Variants in LINGO2 observed in about 807,000 individuals in gnomAD.
LINGO2 encodes the protein leucine rich repeat and Ig domain containing 2.
LINGO2 carries 14 observed loss-of-function variants against 30.6 expected under a neutral mutation model. The observed-to-expected ratio is 0.46, with a 90% CI of 0.30 to 0.72. LINGO2 has a LOEUF of 0.72. LINGO2 is among the 30% of genes least tolerant of loss of function. The pLI is 0.07. For synonymous variants in LINGO2, 317 were observed against 288.5 expected, an observed-to-expected ratio of 1.10 and a Z score of -1.00; for missense variants, 729 against 751.7, an observed-to-expected ratio of 0.97 and a Z score of 0.35.
At chr9:28,029,768 A>T (rs1267721342) in intron 4 of LINGO2, among the ~76,000 whole-genome samples, 2 of 152,152 alleles carry the variant, frequency 1.3e-5, no homozygotes, top group Non-Finnish European at 2.9e-5. Flanking sequence ...ATATAAAATA[A>T]CATGTGGGAA....
At chr9:28,290,075 T>A (rs1201122348) in intron 4 of LINGO2, among the ~76,000 whole-genome samples, 1 of 152,170 alleles carries the variant, frequency 6.6e-6, no homozygotes, top group Non-Finnish European at 1.5e-5. Context: ...TTATTAACTC[T>A]CCATCATTCT....
At chr9:28,512,591 G>GTA (rs1262344382) in intron 1 of LINGO2, among the ~76,000 whole-genome samples, 240 of 15,682 alleles carry the variant, frequency 0.015, no homozygotes, top group African/African-American at 0.022. Context: ...ATATATATGT[G>GTA]TGTATATATA....
At chr9:28,354,222 T>G (rs1290341186) in intron 3 of LINGO2, among the ~76,000 whole-genome samples, 1 of 152,174 alleles carries the variant, frequency 6.6e-6, no homozygotes, top group Non-Finnish European at 1.5e-5. Context: ...TTTTTTAAAT[T>G]TTGGCTTTTA....
the LINGO2 span, among the ~76,000 whole-genome samples, chr9:28,935,622 G>C: frequency 6.6e-6 from 1 of 151,808 alleles, no homozygotes; most frequent in African/African-American, 2.4e-5. Flanking sequence ...TATTGCTTTA[G>C]AAAGAAGCAA....
chr9:28,637,077 C>T (rs1391131617), intron 1 of LINGO2, among the ~76,000 whole-genome samples: 1 of 152,110 alleles, frequency 6.6e-6, no homozygotes, highest in East Asian at 1.9e-4. Flanking sequence ...ATTAAATAGG[C>T]AATCCTTTCC....
the LINGO2 span, among the ~76,000 whole-genome samples, chr9:28,708,761 TTATCTATCTATC>T: frequency 1.4e-5 from 2 of 147,748 alleles, no homozygotes; most frequent in Non-Finnish European, 3.0e-5. Flanking sequence ...TTTAAACTAA[TTATCTATCTATC>T]TATCTATCTA....
the LINGO2 span, among the ~76,000 whole-genome samples, chr9:28,806,166 T>C: frequency 6.6e-6 from 1 of 152,152 alleles, no homozygotes; most frequent in East Asian, 1.9e-4. Flanking sequence ...AATGTCCTAA[T>C]GGAGACTCAA....
intron 3 of LINGO2, among the ~76,000 whole-genome samples, chr9:28,355,103 C>T (rs1207052919): frequency 6.6e-6 from 1 of 152,148 alleles, no homozygotes; most frequent in Non-Finnish European, 1.5e-5. Flanking sequence ...CTTTAGTCCA[C>T]AGAACATTCA....
intron 4 of LINGO2, among the ~76,000 whole-genome samples, chr9:28,226,703 G>GAA (rs1486550900): frequency 6.7e-6 from 1 of 149,644 alleles, no homozygotes; most frequent in African/African-American, 2.5e-5. Flanking sequence ...AAGAAAGAAA[G>GAA]AGAAAGAGAA....
intron 5 of LINGO2, among the ~76,000 whole-genome samples, chr9:27,952,658 G>T (rs955676213): frequency 1.3e-5 from 2 of 151,880 alleles, no homozygotes; most frequent in African/African-American, 4.8e-5. Context: ...TGTTAAAGGC[G>T]GCATTTTAAA....
chr9:28,830,832 C>A, the LINGO2 span, among the ~76,000 whole-genome samples: 2 of 147,814 alleles, frequency 1.4e-5, no homozygotes, highest in Non-Finnish European at 2.9e-5. Flanking sequence ...CATGCACACA[C>A]ACGTGTGCAT....
At chr9:29,049,809 G>T in the LINGO2 span, among the ~76,000 whole-genome samples, 2 of 152,070 alleles carry the variant, frequency 1.3e-5, no homozygotes, top group African/African-American at 2.4e-5. Context: ...AAGAACAGTA[G>T]GGGCTGGAGG....
chr9:28,846,950 G>A, the LINGO2 span, among the ~76,000 whole-genome samples: 1 of 147,076 alleles, frequency 6.8e-6, no homozygotes, highest in Non-Finnish European at 1.5e-5. Context: ...CCCATCTTAT[G>A]CACCACTGTT....
the LINGO2 span, among the ~76,000 whole-genome samples, chr9:29,032,618 A>G: frequency 2.6e-5 from 4 of 152,300 alleles, no homozygotes; most frequent in Non-Finnish European, 5.9e-5. Context: ...CAAGCCTCAG[A>G]TTCTGTTGTG....
the LINGO2 span, among the ~76,000 whole-genome samples, chr9:29,123,648 TAAG>T: frequency 1.1e-4 from 16 of 152,188 alleles, no homozygotes; most frequent in South Asian, 1.9e-3. Context: ...ATTTAAGACA[TAAG>T]AAGAATGTAA....
At chr9:28,223,736 A>G (rs181460678) in intron 4 of LINGO2, among the ~76,000 whole-genome samples, 1 of 152,326 alleles carries the variant, frequency 6.6e-6, no homozygotes, top group East Asian at 1.9e-4. Context: ...GAAACTTCAT[A>G]GAGCTGAAAT....
At chr9:28,717,324 A>G in the LINGO2 span, among the ~76,000 whole-genome samples, 1 of 149,974 alleles carries the variant, frequency 6.7e-6, no homozygotes, top group Non-Finnish European at 1.5e-5. Flanking sequence ...CCACAACTTG[A>G]TTAAAGAGAC....
the LINGO2 span, among the ~76,000 whole-genome samples, chr9:29,180,572 TA>T: frequency 6.6e-6 from 1 of 152,096 alleles, no homozygotes; most frequent in African/African-American, 2.4e-5. Context: ...ATATCATGGA[TA>T]AAAAAGATGT....
At chr9:28,924,152 C>T in the LINGO2 span, among the ~76,000 whole-genome samples, 2 of 152,198 alleles carry the variant, frequency 1.3e-5, no homozygotes, top group African/African-American at 4.8e-5. Context: ...CCCCTGGTTT[C>T]TTTCAGTTTC....
Sources: gnomAD v4.1 joint callset for allele counts (sites outside exome capture counted in the v4.1 genomes callset) on GRCh38, gnomAD v4.1.1 for gene constraint, MANE v1.5 for transcripts, NCBI Gene and HGNC (gene_info 2026-07-23, HGNC 2026-07-21) for gene names.